Variants in ZNF808 observed in about 807,000 individuals in gnomAD.
The protein encoded by ZNF808 is zinc finger protein 808.
Under a neutral mutation model 8.7 loss-of-function variants are expected in ZNF808, and 5 were observed. The observed-to-expected ratio is 0.58, with a 90% CI of 0.30 to 1.21. ZNF808 has a LOEUF of 1.21. Among genes scored for constraint, ZNF808 ranks in the 50% most tolerant of loss-of-function variants. The pLI is 0.07. For synonymous variants in ZNF808, 380 were observed against 366.0 expected (o/e 1.04, Z -0.44); for missense variants, 1,103 against 1,098.4 (o/e 1.00, Z -0.06).
chr19:52,554,627 G>C lies in ZNF808; in HGVS notation c.1711G>C (p.Glu571Gln), dbSNP rs147791268. Residue 571 changes from glutamate to glutamine, a missense_variant, in exon 5 of 5, where the codon GAA (glutamate) becomes CAA (glutamine). By Grantham distance (29) the Glu-to-Gln change is conservative. Transcript: ENST00000359798. ...TGCAAAGAAACCTTACAAGTGTAATGAATGTGGGAAAGCTTTTAATCAACA... is the reference window on the plus strand; with the variant it reads ...TGCAAAGAAACCTTACAAGTGTAATCAATGTGGGAAAGCTTTTAATCAACA... ...HTAKKPYKCN[E>Q]CGKAFNQQSH... The C allele has an allele frequency of 8.9e-5, 143 of 1,613,958 alleles. No homozygotes were observed. In the East Asian group the frequency reaches 2.9e-3, roughly 32 times the overall value.
chr19:52,539,271 G>A (rs1258425513), intron 2 of ZNF808, among the ~76,000 whole-genome samples: 1 of 144,396 alleles, frequency 6.9e-6, no homozygotes, highest in African/African-American at 2.6e-5. Context: ...TTGACTCACT[G>A]CAACCTCTGC....
rs1415246136 is a variant in ZNF808 at position 52,554,430 on chromosome 19, A to G, written c.1514A>G (p.His505Arg). The change falls in exon 5 of 5, where the codon CAT becomes CGT. Residue 505 changes from histidine (H) to arginine (R), a missense_variant. Coordinates refer to ENST00000359798, the MANE Select transcript of ZNF808 (RefSeq NM_001039886.4). ...RSSLLCHRRL[H>R]SGEKPYKCNQ... ...TCCCTTCTATGCCATCGTAGACTTC[A>G]TAGTGGTGAAAAACCTTACAAGTGT... The G allele has an allele frequency of 5.0e-6, 8 of 1,614,178 alleles. No homozygotes were observed. The highest frequency in any genetic ancestry group is 6.8e-6 in the Non-Finnish European group (8 of 1,180,024).
chr19:52,528,038 G>C (rs1351975167), intron 1 of ZNF808: 1 of 152,774 alleles, frequency 6.5e-6, no homozygotes, highest in African/African-American at 2.4e-5. Context: ...TGCCCGGGGC[G>C]CACCTCCCAG....
Position 52,553,323 on chromosome 19 carries a change from C to G in ZNF808, c.407C>G (p.Thr136Ser), listed in dbSNP as rs372383210. ...EAPTTKIKKLTGSTDQHDHRH... is the reference protein window; with the variant it reads ...EAPTTKIKKLSGSTDQHDHRH... ...CCCACGACAAAAATAAAAAAGTTGACTGGTAGCACAGACCAACATGATCAC... is the reference window on the plus strand; with the variant it reads ...CCCACGACAAAAATAAAAAAGTTGAGTGGTAGCACAGACCAACATGATCAC... The change falls in exon 5 of 5, where the codon ACT becomes AGT. Residue 136 changes from threonine (T) to serine (S), a missense_variant. Coordinates refer to ENST00000359798, the MANE Select transcript of ZNF808 (RefSeq NM_001039886.4). The G allele has an allele frequency of 4.3e-6, 7 of 1,613,788 alleles. No individual in the cohort carries two copies. In the African/African-American group the frequency reaches 5.3e-5, roughly 12 times the overall value.
intron 1 of ZNF808, among the ~76,000 whole-genome samples, chr19:52,531,162 AATG>A (rs1161264038): frequency 6.6e-6 from 1 of 152,154 alleles, no homozygotes; most frequent in African/African-American, 2.4e-5. Context: ...TCAGCTCTTT[AATG>A]TCTCCCTTTA....
At chr19:52,556,436 T>A (rs2059836508), downstream of ZNF808, 1 of 153,186 alleles carries the variant, frequency 6.5e-6, no homozygotes, top group Non-Finnish European at 1.4e-5. Context: ...AAGCGATTCC[T>A]CTGCCTCAGC....
intron 4 of ZNF808, among the ~76,000 whole-genome samples, chr19:52,550,150 C>T (rs545038983): frequency 1.3e-5 from 2 of 152,202 alleles, no homozygotes; most frequent in South Asian, 2.1e-4. Flanking sequence ...ACCTTATGTG[C>T]AAACTGGGGT....
intron 1 of ZNF808, among the ~76,000 whole-genome samples, chr19:52,528,233 TC>T (rs1475833381): frequency 2.0e-5 from 3 of 152,116 alleles, no homozygotes; most frequent in African/African-American, 7.2e-5. Flanking sequence ...AGTCACCGCT[TC>T]CATTGAACCC....
intron 2 of ZNF808, among the ~76,000 whole-genome samples, chr19:52,542,707 C>T (rs937623441): frequency 1.3e-5 from 2 of 152,084 alleles, no homozygotes; most frequent in African/African-American, 4.8e-5. Context: ...TTGGTTTGGT[C>T]TGGGAAGGCG....
intron 2 of ZNF808, 62 bp from the exon 3 acceptor site, chr19:52,543,203 GT>G: frequency 1.3e-6 from 2 of 1,550,316 alleles, no homozygotes; most frequent in Non-Finnish European, 1.8e-6. Flanking sequence ...GGTTCATGTG[GT>G]TTTGTCACAG....
At chr19:52,558,460 C>T (rs900645949), downstream of ZNF808, among the ~76,000 whole-genome samples, 3 of 150,998 alleles carry the variant, frequency 2.0e-5, no homozygotes, top group African/African-American at 2.4e-5. Flanking sequence ...CAACTTCCAC[C>T]TCCCAGGTTC....
chr19:52,543,180 G>A lies in ZNF808; in HGVS notation c.-19-86G>A, dbSNP rs920662764. 4.3e-6 allele frequency: 6 copies of A among 1,404,466 alleles called. No homozygotes were observed. In the African/African-American group the frequency reaches 4.3e-5, roughly 10 times the overall value. The allele number at this position is 1,404,466 out of a possible 1,614,324, so 87.0% of individuals were successfully genotyped here. A position where few individuals can be genotyped will look rare whatever the true frequency, so the allele number is the denominator to read the frequency against. ...GGCAGTGGGGGACTTCTTTCTACAG[G>A]GTGACATCTCCCGGTTCATGTGGTT... is the stretch of plus-strand genomic sequence containing the variant. On this transcript the variant is annotated intron_variant, in intron 2 of 4. Transcript: ENST00000359798.
intron 2 of ZNF808, among the ~76,000 whole-genome samples, chr19:52,538,184 T>G (rs1373685520): frequency 1.3e-5 from 2 of 150,626 alleles, no homozygotes; most frequent in Non-Finnish European, 2.9e-5. Flanking sequence ...GTAGTTTTTT[T>G]TTTCTTTGTT....
At position 52,553,623 on chromosome 19, in the gene ZNF808, G is replaced by A. The variant is rs769038713; in HGVS notation, c.707G>A (p.Ser236Asn). ...GAAAAATCTTTCCCATGTAATGAGA[G>A]TGGCAAAGCCTTTAATTGTAGCTCA... The part of the protein sequence containing the change: ...MREKSFPCNE[S>N]GKAFNCSSLL... The change falls in exon 5 of 5, where the codon AGT becomes AAT. Residue 236 changes from serine (S) to asparagine (N), a missense_variant. Physicochemically the swap from Ser to Asn is conservative, Grantham distance 46 (BLOSUM62 1). Coordinates refer to ENST00000359798, the MANE Select transcript of ZNF808 (RefSeq NM_001039886.4). 5.0e-6 allele frequency: 8 copies of A among 1,614,088 alleles called. No homozygotes were observed. The highest frequency in any genetic ancestry group is 1.3e-5 in the African/African-American group (1 of 74,938).
chr19:52,553,111 C>G lies in ZNF808; in HGVS notation c.195C>G (p.Ile65Met). Residue 65 changes from isoleucine to methionine, a missense_variant, in exon 5 of 5, where the codon ATC becomes ATG. Ile to Met is a conservative substitution (Grantham distance 10, BLOSUM62 1). Coordinates refer to ENST00000359798, the MANE Select transcript of ZNF808 (RefSeq NM_001039886.4). ...ATTGGTGTTTATATTTTGTAGATAT[C>G]TCTTCCAAACACATGATGAAGGAGG... ...ENYRNLEAVD[I>M]SSKHMMKEVL... 1 of 1,543,724 alleles carries G rather than the reference C, an allele frequency of 6.5e-7. No homozygotes were observed. Among genetic ancestry groups the G allele is most frequent in the Non-Finnish European group, 8.7e-7 (1 of 1,150,344 alleles).
At position 52,555,663 on chromosome 19, in the gene ZNF808, C is replaced by T. The variant is rs775236168; in HGVS notation, c.*35C>T. On this transcript the variant is annotated 3_prime_UTR_variant, in exon 5 of 5. Transcript: ENST00000359798. ...TGTCACAAAGTCTTCAGTAACACTA[C>T]AACAATTGCAAATCATTGGAGAATC... 5 of 1,574,882 alleles carry T rather than the reference C, an allele frequency of 3.2e-6. No homozygotes were observed. The African/African-American group carries it at 6.8e-5, about 21-fold the overall frequency.
At chr19:52,528,246 C>G (rs996558623) in intron 1 of ZNF808, among the ~76,000 whole-genome samples, 2 of 152,184 alleles carry the variant, frequency 1.3e-5, no homozygotes, top group East Asian at 3.9e-4. Context: ...ATTGAACCCA[C>G]ACTGGGAAGG....
At chr19:52,560,110 T>C (rs994161975), downstream of ZNF808, among the ~76,000 whole-genome samples, 26 of 152,024 alleles carry the variant, frequency 1.7e-4, no homozygotes, top group Admixed American at 1.7e-3. Flanking sequence ...CCCAGGTGGG[T>C]GAATCACAAG....
downstream of ZNF808, among the ~76,000 whole-genome samples, chr19:52,565,692 CAT>C (rs2059871474): frequency 1.3e-5 from 2 of 152,180 alleles, no homozygotes; most frequent in African/African-American, 4.8e-5. Flanking sequence ...CCCTCTCTCA[CAT>C]ATAAATTGTG....
Sources: allele counts gnomAD v4.1 joint callset (sites outside exome capture counted in the v4.1 genomes callset), GRCh38; gene constraint gnomAD v4.1.1; transcripts MANE v1.5; gene names NCBI Gene and HGNC (gene_info 2026-07-23, HGNC 2026-07-21).